INSR: variants seen among roughly 807,000 people sequenced by gnomAD.
The protein encoded by INSR is IR.
In INSR, 67 loss-of-function variants were observed where a neutral mutation model predicts 142.6. The ratio of observed to expected loss-of-function variants is 0.47; its 90% confidence interval spans 0.39 to 0.58. The LOEUF (loss-of-function observed/expected upper bound fraction) is 0.58, where lower values mean the gene tolerates loss of function less well. Among genes scored for constraint, INSR ranks in the 20% least tolerant of loss-of-function variants. The pLI, the probability that INSR is intolerant of heterozygous loss-of-function variation, is 0.00. For missense variants in INSR, 1,248 were observed against 1,833.2 expected (o/e 0.68, Z 5.83); for synonymous variants, 756 against 743.1 (o/e 1.02, Z -0.28).
intron 2 of INSR, among the ~76,000 whole-genome samples, chr19:7,241,339 C>T (rs78256050): frequency 0.065 from 9,876 of 152,012 alleles, 1,001 homozygotes; most frequent in African/African-American, 0.22. Context: ...CCGCCACCCC[C>T]GGCTAAATTT....
Position 7,153,190 on chromosome 19 carries a change from A to ACACACAC in INSR, c.2030-270_2030-264dup, listed in dbSNP as rs1407825571. On this transcript the variant is annotated intron_variant, in intron 9 of 21. Transcript: ENST00000302850. ...ACACACACCACAAACACACAACCAC[A>ACACACAC]CACACACCACACACACCACACACCA... Among the ~76,000 whole-genome samples the ACACACAC allele has an allele frequency of 2.0e-4, 7 of 35,538 alleles. 1 individual carries two copies. The highest frequency in any genetic ancestry group is 5.2e-4 in the Non-Finnish European group (5 of 9,666). The allele number at this position is 35,538 out of a possible 152,430, so 23.3% of individuals were successfully genotyped here. A position where few individuals can be genotyped will look rare whatever the true frequency, so the allele number is the denominator to read the frequency against.
Position 7,166,333 on chromosome 19 carries a change from A to G in INSR, c.1682T>C (p.Ile561Thr). ...GTCGTTGGACCTCAGGGGTGGGTCA[A>G]TGTCTACCACCGTCCAACTGTTGGA... ...CGSNSWTVVD[I>T]DPPLRSNDPK... Residue 561 changes from isoleucine to threonine, a missense_variant, in exon 8 of 22, where the codon ATT becomes ACT. Around this residue, in one of 3 missense-constraint regions of INSR, gnomAD observed 1,069 missense variants for 1,654.0 expected, o/e 0.65. Coordinates refer to ENST00000302850, the MANE Select transcript of INSR (RefSeq NM_000208.4). The surrounding 1 kb of genome is among the most constrained non-coding windows in gnomAD (Gnocchi z 4.1). The G allele has an allele frequency of 2.5e-6, 4 of 1,614,118 alleles. No homozygotes were observed. Among genetic ancestry groups the G allele is most frequent in the East Asian group, 2.2e-5 (1 of 44,880 alleles).
At chr19:7,240,000 T>A (rs1003242289) in intron 2 of INSR, among the ~76,000 whole-genome samples, 2 of 152,112 alleles carry the variant, frequency 1.3e-5, no homozygotes, top group African/African-American at 4.8e-5. Context: ...AGTGGCGCCA[T>A]CTCAGCTCAC....
rs146472806 is a variant in INSR, at chr19:7,128,945, G to A, written c.2852C>T (p.Pro951Leu). 12 of 1,609,260 alleles carry A rather than the reference G, an allele frequency of 7.5e-6. No individual in the cohort carries two copies. The highest frequency in any genetic ancestry group is 9.4e-6 in the Non-Finnish European group (11 of 1,175,722). Residue 951 changes from proline (P) to leucine (L), a missense_variant, in exon 15 of 22, where the codon CCG (proline) becomes CTG (leucine). Physicochemically the swap from Pro to Leu is moderately conservative, Grantham distance 98. Transcript: ENST00000302850. ...GATGATAATTTTTGCAATATTTGAC[G>A]GGACGTCTACTGAAATAGAATAAGA... is the stretch of plus-strand genomic sequence containing the variant. ...YFYVTDYLDVPSNIAKIIIGP... is the reference protein window; with the variant it reads ...YFYVTDYLDVLSNIAKIIIGP...
intron 2 of INSR, among the ~76,000 whole-genome samples, chr19:7,229,995 T>C (rs1402321473): frequency 1.3e-5 from 2 of 152,088 alleles, no homozygotes; most frequent in Non-Finnish European, 2.9e-5. Context: ...TCTTGCTGTG[T>C]TGTCCAGGCC....
In INSR at chr19:7,267,310, G is replaced by A. The variant is rs778731270; in HGVS notation, c.652+35C>T. 3.1e-6 allele frequency: 5 copies of A among 1,606,264 alleles called. No homozygotes were observed. Among genetic ancestry groups the A allele is most frequent in the Non-Finnish European group, 4.3e-6 (5 of 1,173,454 alleles). On this transcript the variant is annotated intron_variant, in intron 2 of 21. Transcript: ENST00000302850. This position sits in a 1 kb window ranked among gnomAD's most constrained non-coding sequence, Gnocchi z 6.3. ...TTTTAAGCTTTCTAGAACAAGGCACGAGACACTGCTTAGAACCCTGTATCC... is the reference window on the plus strand; with the variant it reads ...TTTTAAGCTTTCTAGAACAAGGCACAAGACACTGCTTAGAACCCTGTATCC...
chr19:7,154,422 C>A (rs895890089), intron 9 of INSR, among the ~76,000 whole-genome samples: 9 of 147,500 alleles, frequency 6.1e-5, no homozygotes, highest in Non-Finnish European at 1.3e-4. Context: ...CCTGCCTCAG[C>A]CTCCTGAGTA....
chr19:7,126,677 A>C (rs1249615614), intron 15 of INSR, 26 bp from the exon 16 acceptor site: 1 of 1,554,778 alleles, frequency 6.4e-7, no homozygotes, highest in Non-Finnish European at 8.7e-7. Flanking sequence ...GAGGCACGTT[A>C]GCTTGAGATT....
Position 7,168,404 on chromosome 19 carries a change from G to C in INSR, c.1484-310C>G, listed in dbSNP as rs937434170. On this transcript the variant is annotated intron_variant, in intron 6 of 21. Transcript: ENST00000302850. The surrounding 1 kb of genome is among the most constrained non-coding windows in gnomAD (Gnocchi z 4.3). ...ACCGGCCAATAGTTATTGGAGGAAG[G>C]GATTTCCAAGGGTGATGTTTGTCCT... Among the ~76,000 whole-genome samples, 8 of 152,130 alleles carry C rather than the reference G, an allele frequency of 5.3e-5. No homozygotes were observed. Among genetic ancestry groups the C allele is most frequent in the African/African-American group, 1.9e-4 (8 of 41,444 alleles).
chr19:7,238,661 A>G (rs1976239263), intron 2 of INSR, among the ~76,000 whole-genome samples: 1 of 151,510 alleles, frequency 6.6e-6, no homozygotes, highest in Non-Finnish European at 1.5e-5. Context: ...GTGAACCAAA[A>G]AGTGAACCCA....
chr19:7,233,460 A>C (rs1976055687), intron 2 of INSR, among the ~76,000 whole-genome samples: 1 of 152,046 alleles, frequency 6.6e-6, no homozygotes, highest in African/African-American at 2.4e-5. Flanking sequence ...AAGAAATGAA[A>C]CATGACTGCA....
At position 7,210,990 on chromosome 19, in the gene INSR, G is replaced by A. The variant is rs575679267; in HGVS notation, c.653-26353C>T. 2.2e-3 allele frequency among the ~76,000 whole-genome samples: 330 copies of A among 152,150 alleles called. 1 individual carries two copies. Among genetic ancestry groups the A allele is most frequent in the Admixed American group, 4.4e-3 (67 of 15,252 alleles). On this transcript the variant is annotated intron_variant, in intron 2 of 21. Transcript: ENST00000302850. ...AGTGATCCGTCCTCCCAAAGTACTG[G>A]GATTACAGGTGTTGATCAAACTGTT...
chr19:7,150,417 T>C lies in INSR; in HGVS notation c.2267+80A>G. ...GCATGCAAAAAGCCACAGAAACCCC[T>C]GGGTTCTCCGAGGCATCTGCCTGGC... On this transcript the variant is annotated intron_variant, in intron 11 of 21. Transcript: ENST00000302850. This position sits in a 1 kb window ranked among gnomAD's most constrained non-coding sequence, Gnocchi z 4.2. 2 of 1,339,626 alleles carry C rather than the reference T, an allele frequency of 1.5e-6. No homozygotes were observed. The highest frequency in any genetic ancestry group is 2.1e-6 in the Non-Finnish European group (2 of 936,310). The allele number at this position is 1,339,626 out of a possible 1,614,324, so 83.0% of individuals were successfully genotyped here. A position where few individuals can be genotyped will look rare whatever the true frequency, so the allele number is the denominator to read the frequency against.
rs1387538769 is a variant in INSR at position 7,197,916 on chromosome 19, AGAGTGTGT to A, written c.653-13287_653-13280del. Among the ~76,000 whole-genome samples the A allele has an allele frequency of 5.9e-4, 42 of 71,342 alleles. 1 individual carries two copies. The highest frequency in any genetic ancestry group is 3.1e-3 in the African/African-American group (39 of 12,406). 46.8% of individuals were successfully genotyped at this position (71,342 alleles called of 152,430 possible). On this transcript the variant is annotated intron_variant, in intron 2 of 21. Coordinates refer to ENST00000302850, the MANE Select transcript of INSR (RefSeq NM_000208.4). ...CCCAGGATTGGTCGGTTCCAGAGTG[AGAGTGTGT>A]GTGTGTGTGTGTGTGTGTGTGTGTC...
intron 14 of INSR, among the ~76,000 whole-genome samples, chr19:7,131,856 G>A (rs28538777): frequency 0.022 from 3,376 of 151,216 alleles, 143 homozygotes; most frequent in African/African-American, 0.077. Flanking sequence ...AGAATTAGCC[G>A]GGCGTGGTGG....
intron 19 of INSR, among the ~76,000 whole-genome samples, chr19:7,122,359 C>T (rs938044794): frequency 1.3e-5 from 2 of 151,374 alleles, no homozygotes; most frequent in Admixed American, 1.3e-4. Flanking sequence ...AGGTGAATCA[C>T]TTGAACCTGG....
intron 21 of INSR, 63 bp from the exon 22 acceptor site, chr19:7,117,473 C>T: frequency 7.7e-7 from 1 of 1,294,564 alleles, no homozygotes; most frequent in Non-Finnish European, 1.1e-6. Context: ...CCTCCCAAAC[C>T]CCCACTCTTG....
At chr19:7,214,864 C>T (rs964546975) in intron 2 of INSR, among the ~76,000 whole-genome samples, 2 of 143,894 alleles carry the variant, frequency 1.4e-5, no homozygotes, top group Non-Finnish European at 3.0e-5. Flanking sequence ...TCCCTCCGTC[C>T]CCACCTCCTT....
intron 13 of INSR, among the ~76,000 whole-genome samples, chr19:7,139,945 A>C (rs8101843): frequency 0.93 from 141,322 of 151,578 alleles, 65,894 homozygotes; most frequent in East Asian, 1. Context: ...CTGCTTCAGC[A>C]TCCCGAGGAG....
Sources: gnomAD v4.1 joint callset for allele counts (sites outside exome capture counted in the v4.1 genomes callset) on GRCh38, gnomAD v4.1.1 for gene constraint, gnomAD v4.1.1 regional missense constraint, Gnocchi (gnomAD v3.1) non-coding constraint, MANE v1.5 for transcripts, NCBI Gene and HGNC (gene_info 2026-07-23, HGNC 2026-07-21) for gene names.